The following KCNB2 variants were observed in gnomAD, a reference collection of about 807,000 sequenced individuals.
KCNB2 encodes the protein potassium voltage-gated channel subfamily B member 2, also known as delayed rectifier potassium channel protein.
A neutral mutation model predicts 61.5 loss-of-function variants in KCNB2; 15 were observed. The observed-to-expected ratio is 0.24, with a 90% CI of 0.16 to 0.38. The LOEUF (loss-of-function observed/expected upper bound fraction) is 0.38, where lower values mean the gene tolerates loss of function less well. Among genes scored for constraint, KCNB2 ranks in the 10% least tolerant of loss-of-function variants. KCNB2 has a pLI of 1.00. For synonymous variants in KCNB2, 457 were observed against 446.0 expected (o/e 1.02, Z -0.31); for missense variants, 828 against 1,125.2 (o/e 0.74, Z 3.78).
At chr8:72,705,645 G>T (rs1449411287) in intron 2 of KCNB2, among the ~76,000 whole-genome samples, 2 of 152,182 alleles carry the variant, frequency 1.3e-5, no homozygotes, top group Admixed American at 6.5e-5. Context: ...TCAGTAGACA[G>T]GAGGAACTCA....
intron 2 of KCNB2, among the ~76,000 whole-genome samples, chr8:72,794,425 C>T (rs183299362): frequency 1.6e-4 from 25 of 151,920 alleles, no homozygotes; most frequent in African/African-American, 4.8e-4. Context: ...ATTAGCCGGG[C>T]GTGGTGGCAC....
At chr8:72,808,073 A>T (rs1195924532) in intron 2 of KCNB2, among the ~76,000 whole-genome samples, 1 of 152,138 alleles carries the variant, frequency 6.6e-6, no homozygotes, top group East Asian at 1.9e-4. Flanking sequence ...AAGAACCAAG[A>T]ATCTTCATGT....
chr8:72,570,651 G>A (rs181338931), intron 2 of KCNB2, among the ~76,000 whole-genome samples: 2 of 151,930 alleles, frequency 1.3e-5, no homozygotes. Flanking sequence ...CACAACTTAA[G>A]AAAAAGTAGT....
intron 2 of KCNB2, among the ~76,000 whole-genome samples, chr8:72,905,061 C>T (rs1404738438): frequency 6.6e-6 from 1 of 152,246 alleles, no homozygotes; most frequent in Non-Finnish European, 1.5e-5. Flanking sequence ...GAAACACCTG[C>T]TAAGTACTGA....
intron 2 of KCNB2, among the ~76,000 whole-genome samples, chr8:72,668,419 G>A (rs1274836809): frequency 6.6e-6 from 1 of 152,104 alleles, no homozygotes; most frequent in African/African-American, 2.4e-5. Context: ...TATCAGGCAG[G>A]GTATTCCAAG....
intron 2 of KCNB2, among the ~76,000 whole-genome samples, chr8:72,624,733 G>A (rs1203998313): frequency 6.6e-6 from 1 of 152,182 alleles, no homozygotes; most frequent in Admixed American, 6.5e-5. Flanking sequence ...GTTCAAATGT[G>A]GATGGGGCCT....
chr8:72,638,106 T>C (rs1348673267), intron 2 of KCNB2, among the ~76,000 whole-genome samples: 1 of 152,096 alleles, frequency 6.6e-6, no homozygotes, highest in Non-Finnish European at 1.5e-5. Flanking sequence ...CACTTAGCAA[T>C]TTTATTCATT....
intron 2 of KCNB2, among the ~76,000 whole-genome samples, chr8:72,832,283 A>T (rs1050740233): frequency 7.2e-5 from 11 of 152,206 alleles, no homozygotes; most frequent in African/African-American, 2.7e-4. Context: ...TTATGAAAGC[A>T]TCCTAGCAGG....
At chr8:72,830,537 T>C (rs1005665366) in intron 2 of KCNB2, among the ~76,000 whole-genome samples, 1 of 152,156 alleles carries the variant, frequency 6.6e-6, no homozygotes, top group East Asian at 1.9e-4. Flanking sequence ...ATCCCACCCA[T>C]CCCAGAAGTA....
At chr8:72,655,467 A>G (rs1358327273) in intron 2 of KCNB2, among the ~76,000 whole-genome samples, 1 of 152,142 alleles carries the variant, frequency 6.6e-6, no homozygotes, top group Non-Finnish European at 1.5e-5. Context: ...TAATAAATAA[A>G]TAAAAGATCT....
chr8:72,689,120 A>G (rs1806902024), intron 2 of KCNB2, among the ~76,000 whole-genome samples: 1 of 152,236 alleles, frequency 6.6e-6, no homozygotes, highest in South Asian at 2.1e-4. Context: ...GGAAGTAGAT[A>G]TAAATGGAGA....
At chr8:72,588,398 G>A (rs1185580081) in intron 2 of KCNB2, among the ~76,000 whole-genome samples, 3 of 151,782 alleles carry the variant, frequency 2.0e-5, no homozygotes, top group Non-Finnish European at 4.4e-5. Context: ...TGTATTTTTA[G>A]TAGAGACGGG....
chr8:72,726,754 C>A (rs1400874975), intron 2 of KCNB2, among the ~76,000 whole-genome samples: 2 of 152,080 alleles, frequency 1.3e-5, no homozygotes, highest in African/African-American at 4.8e-5. Flanking sequence ...TCAGGAAAAT[C>A]AATTAAGAGA....
At chr8:72,816,233 C>T (rs576607733) in intron 2 of KCNB2, among the ~76,000 whole-genome samples, 6 of 152,202 alleles carry the variant, frequency 3.9e-5, no homozygotes, top group South Asian at 4.2e-4. Flanking sequence ...CACCATGAGA[C>T]GTTAGTGAAG....
intron 2 of KCNB2, among the ~76,000 whole-genome samples, chr8:72,884,718 A>G (rs1176505616): frequency 6.6e-6 from 1 of 151,936 alleles, no homozygotes; most frequent in Non-Finnish European, 1.5e-5. Context: ...TCCTATATGT[A>G]TTTTCATGTA....
chr8:72,662,683 T>C (rs921473661), intron 2 of KCNB2, among the ~76,000 whole-genome samples: 6 of 152,192 alleles, frequency 3.9e-5, no homozygotes, highest in Non-Finnish European at 8.8e-5. Context: ...ATCCTACTTA[T>C]GGAGGTCACA....
chr8:72,798,553 G>A lies in KCNB2; in HGVS notation c.580-137382G>A, dbSNP rs189947540. On this transcript the variant is annotated intron_variant, in intron 2 of 2. Coordinates refer to ENST00000523207, the MANE Select transcript of KCNB2 (RefSeq NM_004770.3). ...AGCTAAATATTAAAACCTACCTCCC[G>A]TAACTTGGGAATCCTGGTCAAATTT... Among the ~76,000 whole-genome samples, 36 of 152,162 alleles carry A rather than the reference G, an allele frequency of 2.4e-4. 1 individual carries two copies. Among genetic ancestry groups the A allele is most frequent in the Middle Eastern group, 6.8e-3 (2 of 294 alleles).
chr8:72,705,179 C>T (rs1260308554), intron 2 of KCNB2, among the ~76,000 whole-genome samples: 1 of 152,166 alleles, frequency 6.6e-6, no homozygotes, highest in Non-Finnish European at 1.5e-5. Context: ...TCACTATGTT[C>T]TTCAGCTAAT....
Position 72,582,930 on chromosome 8 carries a change from A to G in KCNB2, c.579+14617A>G, listed in dbSNP as rs80334171. On this transcript the variant is annotated intron_variant, in intron 2 of 2. Transcript: ENST00000523207. The stretch of plus-strand genomic sequence containing the variant: ...CCACCATGCCCGGCTTTGAAAAAAT[A>G]CATTCTTAATGATGTAATGTGAAAA... 2.4e-3 allele frequency among the ~76,000 whole-genome samples: 370 copies of G among 152,280 alleles called. 2 individuals carry two copies. Among genetic ancestry groups the G allele is most frequent in the African/African-American group, 8.5e-3 (353 of 41,564 alleles).
Sources: allele counts gnomAD v4.1 joint callset (sites outside exome capture counted in the v4.1 genomes callset), GRCh38; gene constraint gnomAD v4.1.1; transcripts MANE v1.5; gene names NCBI Gene and HGNC (gene_info 2026-07-23, HGNC 2026-07-21).